Variants in DOCK9 observed in about 807,000 individuals in gnomAD.
DOCK9 encodes dedicator of cytokinesis 9, also known as dedicator of cytokinesis protein 9.
Under a neutral mutation model 263.3 loss-of-function variants are expected in DOCK9, and 89 were observed. The ratio of observed to expected loss-of-function variants is 0.34; its 90% CI spans 0.28 to 0.40. DOCK9 has a LOEUF of 0.40. Among genes scored for constraint, DOCK9 ranks in the 10% least tolerant of loss-of-function variants. The pLI is 1.00. For synonymous variants in DOCK9, 976 were observed against 973.1 expected, an observed-to-expected ratio of 1.00 and a Z score of -0.06; for missense variants, 2,140 against 2,603.4, an observed-to-expected ratio of 0.82 and a Z score of 3.87.
chr13:99,042,036 C>G (rs1888509372), intron 1 of DOCK9, among the ~76,000 whole-genome samples: 2 of 152,154 alleles, frequency 1.3e-5, no homozygotes. Context: ...TAATTTGTTA[C>G]GGCAACCCTA....
chr13:98,974,894 C>T (rs914986548), intron 1 of DOCK9, among the ~76,000 whole-genome samples: 2 of 152,058 alleles, frequency 1.3e-5, no homozygotes, highest in Admixed American at 6.5e-5. Context: ...AAAAACATTA[C>T]CACCAATCAT....
intron 45 of DOCK9, among the ~76,000 whole-genome samples, chr13:98,814,926 A>C (rs1447195212): frequency 1.3e-5 from 2 of 149,242 alleles, no homozygotes; most frequent in African/African-American, 5.0e-5. Flanking sequence ...TGACAGTCAG[A>C]TTCTGTCTCA....
chr13:98,980,214 C>T (rs138144806), upstream of DOCK9, among the ~76,000 whole-genome samples: 108 of 152,274 alleles, frequency 7.1e-4, no homozygotes, highest in African/African-American at 2.3e-3. Flanking sequence ...GTCAAAATAC[C>T]CTGGTATTCT....
At chr13:98,813,905 T>G (rs542499111) in intron 45 of DOCK9, among the ~76,000 whole-genome samples, 1 of 152,302 alleles carries the variant, frequency 6.6e-6, no homozygotes, top group South Asian at 2.1e-4. Context: ...CCTCCCAAAG[T>G]GCTGAGATTA....
rs1566630198 is a variant in DOCK9 at position 98,829,391 on chromosome 13, T to C, written c.4881A>G (p.Lys1627=). 1.2e-6 allele frequency: 2 copies of C among 1,613,828 alleles called. No homozygotes were observed. The highest frequency in any genetic ancestry group is 1.7e-6 in the Non-Finnish European group (2 of 1,179,858). The change falls in exon 43 of 53, where the codon AAA becomes AAG. Residue 1627 remains lysine (K), a synonymous_variant. Coordinates refer to ENST00000682017, the MANE Select transcript of DOCK9 (RefSeq NM_001366683.2). This position sits in a 1 kb window ranked among gnomAD's most constrained non-coding sequence, Gnocchi z 4.1. ...TGAGCTCGGGCGTGCTGGCATAGGA[T>C]TTGGCCAGGCTGTACTGGAGGTCCA... ...MLVDLQYSLA[K]SYASTPELRK... is the part of the protein sequence containing the mutation.
intron 50 of DOCK9, 39 bp downstream of exon 50, chr13:98,800,239 GGGGCAAGGAC>G: frequency 6.6e-7 from 1 of 1,518,426 alleles, no homozygotes; most frequent in South Asian, 1.3e-5. Context: ...AAGTCACCCA[GGGGCAAGGAC>G]GTCCCCTGCT....
chr13:99,072,531 G>A (rs1281805474), intron 1 of DOCK9, among the ~76,000 whole-genome samples: 1 of 152,196 alleles, frequency 6.6e-6, no homozygotes, highest in Non-Finnish European at 1.5e-5. Context: ...TTTAGCATCA[G>A]CTCACCCCAA....
At chr13:98,795,143 TC>T (rs535729831) in intron 52 of DOCK9, among the ~76,000 whole-genome samples, 173 of 152,348 alleles carry the variant, frequency 1.1e-3, no homozygotes, top group South Asian at 4.8e-3. Flanking sequence ...GCTCACCAGA[TC>T]ATAAGGCAAC....
At chr13:98,842,749 AC>A (rs1222694401) in intron 38 of DOCK9, among the ~76,000 whole-genome samples, 2 of 152,162 alleles carry the variant, frequency 1.3e-5, no homozygotes, top group Non-Finnish European at 2.9e-5. Context: ...AATCTCTTCC[AC>A]TGATACACAA....
chr13:98,915,411 T>C lies in DOCK9; in HGVS notation c.810A>G (p.Glu270=). The C allele has an allele frequency of 1.2e-6, 2 of 1,614,014 alleles. No individual in the cohort carries two copies. Among genetic ancestry groups the C allele is most frequent in the Non-Finnish European group, 1.7e-6 (2 of 1,179,888 alleles). The change falls in exon 8 of 53, where the codon GAA becomes GAG. Residue 270 remains glutamate, a synonymous_variant. Coordinates refer to ENST00000682017, the MANE Select transcript of DOCK9 (RefSeq NM_001366683.2). ...GGATCTTATTTAGAATTGTGATCCA[T>C]TCTTCCATTTCCACTTCACTGTCTG... ...LAADSEVEME[E]WITILNKILQ...
intron 26 of DOCK9, 44 bp downstream of exon 26, chr13:98,880,503 G>A (rs754862705): frequency 7.4e-6 from 12 of 1,612,246 alleles, no homozygotes; most frequent in South Asian, 1.1e-5. Flanking sequence ...GTGAATTCCT[G>A]TTAATCAGTT....
Position 98,935,682 on chromosome 13 carries a change from C to T in DOCK9, c.244-5425G>A, listed in dbSNP as rs376012043. Reference sequence around the variant, plus strand: ...ACTTGGGAGGCTGAGGCACGAGAATCGCTTGAACTCAGGAGGCGGAGGTCA... The same window carrying T: ...ACTTGGGAGGCTGAGGCACGAGAATTGCTTGAACTCAGGAGGCGGAGGTCA... On this transcript the variant is annotated intron_variant, in intron 2 of 52. Transcript: ENST00000682017. 1.1e-4 allele frequency among the ~76,000 whole-genome samples: 16 copies of T among 152,310 alleles called. No homozygotes were observed. The East Asian group carries it at 2.7e-3, about 26-fold the overall frequency.
chr13:98,886,409 G>A, intron 19 of DOCK9, 123 bp downstream of exon 19: 1 of 657,180 alleles, frequency 1.5e-6, no homozygotes, highest in East Asian at 2.7e-5. Flanking sequence ...TCAACATGCA[G>A]TTCTAGCTCT....
At chr13:99,041,375 T>C (rs12865464) in intron 1 of DOCK9, among the ~76,000 whole-genome samples, 41,386 of 151,796 alleles carry the variant, frequency 0.27, 6,001 homozygotes, top group East Asian at 0.43. Context: ...TCCCAGCTAC[T>C]TAGGAAGTTG....
In DOCK9 at chr13:98,885,007, C is replaced by T. The variant is rs377227433; in HGVS notation, c.2346G>A (p.Ser782=). Residue 782 remains serine, a synonymous_variant, in exon 21 of 53, where the codon TCG becomes TCA. Transcript: ENST00000682017. ...QHIPVSANLP[S]GYLGYQELGM... ...CAAGCTCCTGGTAGCCAAGATAGCC[C>T]GAAGGAAGGTTCGCCGAGACCGGGA... 1.5e-5 allele frequency: 24 copies of T among 1,613,550 alleles called. No individual in the cohort carries two copies. In the Admixed American group the frequency reaches 2.3e-4, roughly 16 times the overall value.
At chr13:99,076,112 TATAAA>T (rs1243022776) in intron 1 of DOCK9, among the ~76,000 whole-genome samples, 1 of 152,042 alleles carries the variant, frequency 6.6e-6, no homozygotes, top group Non-Finnish European at 1.5e-5. Flanking sequence ...AAAGTAAAAG[TATAAA>T]ATAAGATAAA....
intron 1 of DOCK9, among the ~76,000 whole-genome samples, chr13:99,023,282 C>T (rs1043570031): frequency 2.0e-5 from 3 of 152,192 alleles, no homozygotes; most frequent in African/African-American, 7.2e-5. Flanking sequence ...TCTACACACA[C>T]AATGGAATAC....
intron 45 of DOCK9, among the ~76,000 whole-genome samples, chr13:98,822,422 T>A (rs930380434): frequency 6.6e-6 from 1 of 152,190 alleles, no homozygotes; most frequent in African/African-American, 2.4e-5. Context: ...CTAAAAATAG[T>A]CTACTTTCCA....
chr13:98,830,251 G>A (rs769409569), intron 41 of DOCK9, among the ~76,000 whole-genome samples: 6 of 152,176 alleles, frequency 3.9e-5, no homozygotes, highest in Non-Finnish European at 7.3e-5. Flanking sequence ...AGTTGCTTGA[G>A]CTAAAGCATG....
Sources: allele counts gnomAD v4.1 joint callset (sites outside exome capture counted in the v4.1 genomes callset), GRCh38; gene constraint gnomAD v4.1.1; non-coding constraint Gnocchi (gnomAD v3.1); transcripts MANE v1.5; gene names NCBI Gene and HGNC (gene_info 2026-07-23, HGNC 2026-07-21).